ZMYND8: variants seen among roughly 807,000 people sequenced by gnomAD.
ZMYND8 encodes the protein zinc finger MYND-type containing 8.
Under a neutral mutation model 140.8 loss-of-function variants are expected in ZMYND8, and 37 were observed. The observed-to-expected ratio is 0.26, with a 90% CI of 0.20 to 0.35. The LOEUF is 0.35. Ranked by LOEUF, ZMYND8 falls within the 10% of genes least tolerant of loss-of-function variation. The probability of loss-of-function intolerance (pLI) is 1.00; values close to 1 mark genes in which losing one functional copy is unlikely to be tolerated. For synonymous variants in ZMYND8, 592 were observed against 597.1 expected (o/e 0.99, Z 0.12); for missense variants, 1,068 against 1,570.0 (o/e 0.68, Z 5.40).
chr20:47,227,036 A>G (rs1600995614), intron 18 of ZMYND8, among the ~76,000 whole-genome samples, 167 bp downstream of exon 18: 1 of 152,226 alleles, frequency 6.6e-6, no homozygotes, highest in East Asian at 1.9e-4. Flanking sequence ...ACCCACTCTT[A>G]CACCTGGTTT....
At chr20:47,256,953 A>G (rs2147471831) in intron 12 of ZMYND8, among the ~76,000 whole-genome samples, 1 of 152,322 alleles carries the variant, frequency 6.6e-6, no homozygotes, top group African/African-American at 2.4e-5. Flanking sequence ...GCTCAAAGTA[A>G]ACACCCTCTG....
In ZMYND8 at chr20:47,290,149, C is replaced by G. The variant is rs1334093877; in HGVS notation, c.748+38G>C. The G allele has an allele frequency of 1.9e-6, 3 of 1,585,234 alleles. No homozygotes were observed. The African/African-American group carries it at 4.1e-5, about 21-fold the overall frequency. ...GACAGGAATTTGTGCAACACATACA[C>G]AGCATACTCTTTCTTAGGAGTCATC... On this transcript the variant is annotated intron_variant, in intron 7 of 22. Transcript: ENST00000471951.
Position 47,308,258 on chromosome 20 carries a change from G to A in ZMYND8, c.234+1798C>T, listed in dbSNP as rs9753738. On this transcript the variant is annotated intron_variant, in intron 3 of 22. Transcript: ENST00000471951. ...TTTGGAGACAGAGTCTTGCTCTGTC[G>A]CCCAGGCTGGAGTGCAATTATATGA... 4.3e-4 allele frequency among the ~76,000 whole-genome samples: 60 copies of A among 138,806 alleles called. 2 individuals are homozygous for A. In the South Asian group the frequency reaches 0.012, roughly 27 times the overall value. 91.1% of individuals were successfully genotyped at this position (138,806 alleles called of 152,430 possible).
chr20:47,275,043 G>A (rs148444413), intron 11 of ZMYND8, among the ~76,000 whole-genome samples: 35 of 152,276 alleles, frequency 2.3e-4, no homozygotes, highest in African/African-American at 8.2e-4. Flanking sequence ...GAGTGTGAAA[G>A]GCTGTCCAAG....
chr20:47,252,335 G>A (rs912666105), intron 12 of ZMYND8, among the ~76,000 whole-genome samples: 1 of 145,628 alleles, frequency 6.9e-6, no homozygotes, highest in Non-Finnish European at 1.5e-5. Flanking sequence ...AAGAGTTCCA[G>A]TAGGCAGGAC....
rs776213161 is a variant in ZMYND8, at chr20:47,246,124, A to G, written c.2168T>C (p.Leu723Ser). 1 of 1,614,180 alleles carries G rather than the reference A, an allele frequency of 6.2e-7. No homozygotes were observed. The highest frequency in any genetic ancestry group is 8.5e-7 in the Non-Finnish European group (1 of 1,180,028). ...KDETDSPTVHLGLDSDSESEL... is the reference protein window; with the variant it reads ...KDETDSPTVHSGLDSDSESEL... ...GCTCTCTGAATCAGAGTCCAGGCCC[A>G]AATGGACTGTTGGGGAATCCGTCTC... The change falls in exon 14 of 23, where the codon TTG becomes TCG. Residue 723 changes from leucine to serine, a missense_variant. By Grantham distance (145) the Leu-to-Ser change is moderately radical. This residue lies in a region of ZMYND8 where 383 missense variants were observed against 431.2 expected (regional missense o/e 0.89). Coordinates refer to ENST00000471951, the MANE Select transcript of ZMYND8 (RefSeq NM_001281775.3).
intron 9 of ZMYND8, among the ~76,000 whole-genome samples, chr20:47,283,077 C>T (rs1407700008): frequency 6.6e-6 from 1 of 152,152 alleles, no homozygotes; most frequent in Non-Finnish European, 1.5e-5. Context: ...CAGTGCAGCC[C>T]AACAATGTAC....
chr20:47,350,268 A>G (rs1336715226), intron 1 of ZMYND8, among the ~76,000 whole-genome samples: 1 of 149,166 alleles, frequency 6.7e-6, no homozygotes, highest in Non-Finnish European at 1.5e-5. Context: ...ACGCACACTC[A>G]CACACACAAT....
rs2039249601 is a variant in ZMYND8 at position 47,236,456 on chromosome 20, C to T, written c.2726G>A (p.Ser909Asn). 2.5e-6 allele frequency: 4 copies of T among 1,612,552 alleles called. No homozygotes were observed. The highest frequency in any genetic ancestry group is 3.4e-6 in the Non-Finnish European group (4 of 1,179,186). ...GGTGACCAGGGGCGATGACTGTGTG[C>T]TGGTCACCAGGGTGATGGTGGACGT... Reference protein sequence around the residue: ...PSTSTITLVTSTQSSPLVTSS... With the variant: ...PSTSTITLVTNTQSSPLVTSS... Residue 909 changes from serine to asparagine, a missense_variant, in exon 16 of 23, where the codon AGC becomes AAC. Coordinates refer to ENST00000471951, the MANE Select transcript of ZMYND8 (RefSeq NM_001281775.3).
At chr20:47,293,110 A>AGAAGGAAGGAAGGAAG (rs1326632608) in intron 5 of ZMYND8, among the ~76,000 whole-genome samples, 25 of 55,322 alleles carry the variant, frequency 4.5e-4, no homozygotes, top group African/African-American at 2.0e-3. Flanking sequence ...GGACGAGGAA[A>AGAAGGAAGGAAGGAAG]GAAGGAAGGA....
chr20:47,227,219 T>C lies in ZMYND8; in HGVS notation c.3000A>G (p.Glu1000=), dbSNP rs1334431001. ...AGGCCTTACCTAAGTTGTGTTTCAT[T>C]TCGGAGAGCTCTTGCTGGTGCAGCC... is the stretch of plus-strand genomic sequence containing the variant. The part of the protein sequence containing the change: ...LQWLHQQELS[E]MKHNLELTMA... Residue 1000 remains glutamate, a synonymous_variant, in exon 18 of 23, where the codon GAA becomes GAG. Coordinates refer to ENST00000471951, the MANE Select transcript of ZMYND8 (RefSeq NM_001281775.3). 2 of 1,614,060 alleles carry C rather than the reference T, an allele frequency of 1.2e-6. No individual in the cohort carries two copies. Among genetic ancestry groups the C allele is most frequent in the Admixed American group, 1.7e-5 (1 of 59,994 alleles).
chr20:47,276,410 T>C lies in ZMYND8; in HGVS notation c.1384A>G (p.Thr462Ala). 6.2e-7 allele frequency: 1 copy of C among 1,613,108 alleles called. No homozygotes were observed. ...SPMSTNSSVH[T>A]GSDVEQDAEK... ...GCATCCTGCTCCACGTCGGAGCCCGTGTGCACAGAAGAGTTTGTGCTCATG... is the reference window on the plus strand; with the variant it reads ...GCATCCTGCTCCACGTCGGAGCCCGCGTGCACAGAAGAGTTTGTGCTCATG... Residue 462 changes from threonine to alanine, a missense_variant, in exon 11 of 23, where the codon ACG becomes GCG. Coordinates refer to ENST00000471951, the MANE Select transcript of ZMYND8 (RefSeq NM_001281775.3).
In ZMYND8 at chr20:47,287,294, T is replaced by A. The variant is rs189007586; in HGVS notation, c.749-10A>T. The A allele has an allele frequency of 6.2e-5, 100 of 1,610,988 alleles. No individual in the cohort carries two copies. In the East Asian group the frequency reaches 1.3e-3, roughly 22 times the overall value. ...GTCAATTTGTGATTTCCTAAGGGAA[T>A]AAGAAAACAGGATTAATTCTAATGG... On this transcript the variant is annotated splice_polypyrimidine_tract_variant and intron_variant, in intron 7 of 22. Coordinates refer to ENST00000471951, the MANE Select transcript of ZMYND8 (RefSeq NM_001281775.3).
At chr20:47,290,563 C>G (rs189265310) in intron 6 of ZMYND8, among the ~76,000 whole-genome samples, 2 of 148,668 alleles carry the variant, frequency 1.3e-5, no homozygotes, top group Admixed American at 1.3e-4. Flanking sequence ...TTCCAATAAA[C>G]AGGATAGTTT....
chr20:47,245,502 T>A lies in ZMYND8; in HGVS notation c.2284+506A>T, dbSNP rs560296183. Among the ~76,000 whole-genome samples, 165 of 152,260 alleles carry A rather than the reference T, an allele frequency of 1.1e-3. 2 individuals carry two copies. Among genetic ancestry groups the A allele is most frequent in the African/African-American group, 3.8e-3 (158 of 41,560 alleles). On this transcript the variant is annotated intron_variant, in intron 14 of 22. Coordinates refer to ENST00000471951, the MANE Select transcript of ZMYND8 (RefSeq NM_001281775.3). The stretch of plus-strand genomic sequence containing the variant: ...CTCAAATGATCCACCCGCCTCGGCC[T>A]CCCCAAGTGCTGGGATTACAGGCGT...
At chr20:47,322,017 T>G (rs908491610) in intron 2 of ZMYND8, among the ~76,000 whole-genome samples, 1 of 151,732 alleles carries the variant, frequency 6.6e-6, no homozygotes, top group African/African-American at 2.4e-5. Context: ...CAGGCCACCA[T>G]GCCTGGCTAA....
rs185902042 is a variant in ZMYND8 at position 47,260,530 on chromosome 20, T to G, written c.1621+1758A>C. On this transcript the variant is annotated intron_variant, in intron 12 of 22. Transcript: ENST00000471951. ...TAGAGCCTTTAAAATCTCTTATTCC[T>G]TCTAGAATCTTTTTCCTCCTGACAC... Among the ~76,000 whole-genome samples the G allele has an allele frequency of 4.6e-3, 694 of 152,296 alleles. 4 individuals carry two copies. The highest frequency in any genetic ancestry group is 0.016 in the African/African-American group (668 of 41,560).
chr20:47,272,997 T>G (rs377326902), intron 11 of ZMYND8, among the ~76,000 whole-genome samples: 48 of 152,320 alleles, frequency 3.2e-4, no homozygotes, highest in African/African-American at 1.1e-3. Flanking sequence ...GGCAGTAGGG[T>G]GCAGAGAAAG....
chr20:47,222,958 T>C (rs1331663962), intron 19 of ZMYND8, among the ~76,000 whole-genome samples: 2 of 152,238 alleles, frequency 1.3e-5, no homozygotes, highest in Non-Finnish European at 2.9e-5. Context: ...AGTTAAGTAG[T>C]AGCAACAGAA....
Sources: gnomAD v4.1 joint callset for allele counts (sites outside exome capture counted in the v4.1 genomes callset) on GRCh38, gnomAD v4.1.1 for gene constraint, gnomAD v4.1.1 regional missense constraint, MANE v1.5 for transcripts, NCBI Gene and HGNC (gene_info 2026-07-23, HGNC 2026-07-21) for gene names.